PLRG1: variants seen among roughly 807,000 people sequenced by gnomAD.
PLRG1 encodes pleiotropic regulator 1.
PLRG1 carries 28 observed loss-of-function variants against 74.9 expected under a neutral mutation model. The ratio of observed to expected loss-of-function variants is 0.37; its 90% CI spans 0.28 to 0.51. The LOEUF (loss-of-function observed/expected upper bound fraction) is 0.51. Among genes scored for constraint, PLRG1 ranks in the 20% least tolerant of loss-of-function variants. The pLI is 0.91. For synonymous variants in PLRG1, 197 were observed against 212.4 expected (o/e 0.93, Z 0.63); for missense variants, 445 against 631.9 (o/e 0.70, Z 3.17).
At chr4:154,538,201 T>G in intron 12 of PLRG1, 93 bp from the exon 13 acceptor site, 1 of 556,884 alleles carries the variant, frequency 1.8e-6, no homozygotes, top group Admixed American at 3.3e-5. Context: ...TATTTTGCAG[T>G]GTGTACTCAA....
intron 8 of PLRG1, among the ~76,000 whole-genome samples, chr4:154,541,684 C>T (rs1323628000): frequency 1.3e-5 from 2 of 152,042 alleles, no homozygotes; most frequent in East Asian, 1.9e-4. Context: ...AGGAATATGC[C>T]TTTGATACAA....
chr4:154,541,506 A>T (rs1157122335), intron 8 of PLRG1, among the ~76,000 whole-genome samples: 1 of 152,140 alleles, frequency 6.6e-6, no homozygotes, highest in Non-Finnish European at 1.5e-5. Context: ...ACCATAACAA[A>T]ATAATTTAAA....
chr4:154,541,897 T>C, intron 8 of PLRG1: 2 of 339,054 alleles, frequency 5.9e-6, no homozygotes, highest in South Asian at 1.0e-4. Flanking sequence ...TTCCACATTT[T>C]CTATGAATGA....
chr4:154,540,706 A>G lies in PLRG1; in HGVS notation c.838-11T>C, dbSNP rs1173396494. 1.2e-6 allele frequency: 2 copies of G among 1,611,594 alleles called. No individual in the cohort carries two copies. The highest frequency in any genetic ancestry group is 2.7e-5 in the African/African-American group (2 of 74,848). On this transcript the variant is annotated splice_polypyrimidine_tract_variant and intron_variant, in intron 9 of 14. Transcript: ENST00000499023. ...ATAATGCCGTATAACCTAAAGACAA[A>G]GCAGGAAAGTTAAAACTTCTAGAAT... is the stretch of plus-strand genomic sequence containing the variant.
rs146933671 is a variant in PLRG1 at position 154,540,836 on chromosome 4, G to A, written c.786C>T (p.Phe262=). ...VIVSTRSPYL[F]SCGEDKQVKC... ...TCACTTGTTTGTCTTCTCCACAAGA[G>A]AACAGATATGGGCTCCTTGTGCTTA... Residue 262 remains phenylalanine (F), a synonymous_variant, in exon 9 of 15, where the codon TTC becomes TTT. Transcript: ENST00000499023. 1 of 1,613,292 alleles carries A rather than the reference G, an allele frequency of 6.2e-7. No individual in the cohort carries two copies. Among genetic ancestry groups the A allele is most frequent in the African/African-American group, 1.3e-5 (1 of 75,002 alleles).
chr4:154,536,619 G>T lies in PLRG1; in HGVS notation c.*66C>A. The T allele has an allele frequency of 1.2e-6, 1 of 840,810 alleles. No individual in the cohort carries two copies. The highest frequency in any genetic ancestry group is 1.5e-5 in the South Asian group (1 of 65,022). 52.1% of individuals were successfully genotyped at this position (840,810 alleles called of 1,614,324 possible). Reference sequence around the variant, plus strand: ...GCACAAAATGACTGGATATCCTCATGAACGCCAAGCTTTTTTTTTTTTAAT... The same window carrying T: ...GCACAAAATGACTGGATATCCTCATTAACGCCAAGCTTTTTTTTTTTTAAT... On this transcript the variant is annotated 3_prime_UTR_variant, in exon 15 of 15. Coordinates refer to ENST00000499023, the MANE Select transcript of PLRG1 (RefSeq NM_002669.4).
intron 6 of PLRG1, 41 bp from the exon 7 acceptor site, chr4:154,544,587 A>G: frequency 9.6e-7 from 1 of 1,046,294 alleles, no homozygotes; most frequent in Non-Finnish European, 1.5e-6. Flanking sequence ...AAGACATCAT[A>G]CCTAAGGCTT....
intron 10 of PLRG1, 153 bp from the exon 11 acceptor site, chr4:154,540,206 C>G (rs985530478): frequency 1.7e-6 from 1 of 598,154 alleles, no homozygotes. Context: ...GATTTACAAA[C>G]TGGAGGACGA....
rs1729736944 is a variant in PLRG1 at position 154,550,190 on chromosome 4, T to C, written c.9+110A>G. On this transcript the variant is annotated intron_variant, in intron 1 of 14. Transcript: ENST00000499023. ...CTCGGCCTTGGCCAAATAGCTCCCCTCGTAGCCTCTTTTCTCTCTGGACTC... is the reference window on the plus strand; with the variant it reads ...CTCGGCCTTGGCCAAATAGCTCCCCCCGTAGCCTCTTTTCTCTCTGGACTC... The C allele has an allele frequency of 2.9e-6, 3 of 1,038,120 alleles. No individual in the cohort carries two copies. The East Asian group carries it at 7.1e-5, about 25-fold the overall frequency. 64.3% of individuals were successfully genotyped at this position (1,038,120 alleles called of 1,614,324 possible). A position where few individuals can be genotyped will look rare whatever the true frequency, so the allele number is the denominator to read the frequency against.
intron 4 of PLRG1, chr4:154,546,785 C>G: frequency 1.8e-6 from 1 of 553,206 alleles, no homozygotes; most frequent in Non-Finnish European, 3.3e-6. Flanking sequence ...AACAGTTTTA[C>G]TGTCTTTGAA....
chr4:154,542,914 C>T (rs1223445229), intron 7 of PLRG1, among the ~76,000 whole-genome samples: 2 of 151,988 alleles, frequency 1.3e-5, no homozygotes, highest in East Asian at 1.9e-4. Context: ...AGGTGGATCA[C>T]GGGTACAAAA....
chr4:154,543,508 T>C (rs952249039), intron 7 of PLRG1, among the ~76,000 whole-genome samples: 2 of 152,116 alleles, frequency 1.3e-5, no homozygotes, highest in African/African-American at 4.8e-5. Context: ...ACATCTATTA[T>C]GTTAGCCATA....
chr4:154,539,854 A>G (rs1195580709), intron 11 of PLRG1, 97 bp downstream of exon 11: 4 of 751,462 alleles, frequency 5.3e-6, no homozygotes, highest in Non-Finnish European at 9.7e-6. Context: ...TGTAAACACA[A>G]TACAGAGCAA....
In PLRG1 at chr4:154,547,748, C is replaced by A. The variant is rs780782912; in HGVS notation, c.222G>T (p.Thr74=). 2.5e-6 allele frequency: 4 copies of A among 1,613,096 alleles called. No individual in the cohort carries two copies. Among genetic ancestry groups the A allele is most frequent in the Non-Finnish European group, 2.5e-6 (3 of 1,179,176 alleles). The change falls in exon 3 of 15, where the codon ACG becomes ACT. Residue 74 remains threonine (T), a synonymous_variant. Coordinates refer to ENST00000499023, the MANE Select transcript of PLRG1 (RefSeq NM_002669.4). ...NLKEKGPQNA[T]DSYVHKQYPA... ...GGTACTGTTTATGAACATATGAATCCGTTGCATTCTGAGGACCCTTCTCTT... is the reference window on the plus strand; with the variant it reads ...GGTACTGTTTATGAACATATGAATCAGTTGCATTCTGAGGACCCTTCTCTT...
chr4:154,546,185 G>A lies in PLRG1; in HGVS notation c.342C>T (p.Ile114=). ...PGVALTADTK[I]QRMPSESAAQ... is the part of the protein sequence containing the mutation. Reference sequence around the variant, plus strand: ...CAGCTGATTCACTTGGCATTCTCTGGATCTTAGTATCTGCTGTCAAAGCAA... The same window carrying A: ...CAGCTGATTCACTTGGCATTCTCTGAATCTTAGTATCTGCTGTCAAAGCAA... The change falls in exon 5 of 15, where the codon ATC becomes ATT. Residue 114 remains isoleucine, a synonymous_variant. Transcript: ENST00000499023. 1 of 1,608,118 alleles carries A rather than the reference G, an allele frequency of 6.2e-7. No homozygotes were observed. Among genetic ancestry groups the A allele is most frequent in the South Asian group, 1.1e-5 (1 of 90,930 alleles).
At chr4:154,548,700 A>C (rs1301469683) in intron 2 of PLRG1, 129 bp downstream of exon 2, 13 of 596,616 alleles carry the variant, frequency 2.2e-5, no homozygotes, top group Non-Finnish European at 3.9e-5. Context: ...ATTATGCCAA[A>C]ACACCACTCA....
chr4:154,549,568 G>C, intron 1 of PLRG1: 1 of 411,066 alleles, frequency 2.4e-6, no homozygotes. Context: ...GTCCAGATTA[G>C]GTAAGGTCTT....
chr4:154,542,329 ATTTAAG>A (rs761524263), intron 7 of PLRG1, 50 bp from the exon 8 acceptor site: 3 of 1,166,360 alleles, frequency 2.6e-6, no homozygotes, highest in African/African-American at 3.0e-5. Flanking sequence ...GTTAAAATGT[ATTTAAG>A]TTTAACTGCA....
At chr4:154,542,123 A>T in intron 8 of PLRG1, 64 bp downstream of exon 8, 1 of 1,016,614 alleles carries the variant, frequency 9.8e-7, no homozygotes, top group Non-Finnish European at 1.6e-6. Context: ...ACAGGAAATA[A>T]TAACTGATTA....
Sources: allele counts gnomAD v4.1 joint callset (sites outside exome capture counted in the v4.1 genomes callset), GRCh38; gene constraint gnomAD v4.1.1; transcripts MANE v1.5; gene names NCBI Gene and HGNC (gene_info 2026-07-23, HGNC 2026-07-21).